Variants in OR3A3 observed in about 807,000 individuals in gnomAD.
OR3A3 encodes olfactory receptor family 3 subfamily A member 3.
For missense variants in OR3A3, 275 were observed against 391.4 expected (o/e 0.70, Z 2.51); for synonymous variants, 103 against 163.9 (o/e 0.63, Z 2.84).
chr17:3,418,826 C>G (rs2072407939), intron 2 of OR3A3, among the ~76,000 whole-genome samples: 1 of 152,166 alleles, frequency 6.6e-6, no homozygotes, highest in African/African-American at 2.4e-5. Flanking sequence ...CCCTACTTGT[C>G]TCTAGTCAAT....
At position 3,420,756 on chromosome 17, in the gene OR3A3, A is replaced by G. The variant is rs1227888756; in HGVS notation, c.171A>G (p.Lys57=). 3 of 1,331,142 alleles carry G rather than the reference A, an allele frequency of 2.3e-6. No individual in the cohort carries two copies. The Admixed American group carries it at 6.6e-5, about 29-fold the overall frequency. 82.5% of individuals were successfully genotyped at this position (1,331,142 alleles called of 1,614,324 possible). A position where few individuals can be genotyped will look rare whatever the true frequency, so the allele number is the denominator to read the frequency against. ...TGGCAGCCGTCTTGGTGGAGCCCAAACTCCACGCCCCCATGTACTTCTTCC... is the reference window on the plus strand; with the variant it reads ...TGGCAGCCGTCTTGGTGGAGCCCAAGCTCCACGCCCCCATGTACTTCTTCC... The change falls in exon 3 of 3, where the codon AAA becomes AAG. Residue 57 remains lysine (K), a synonymous_variant. Coordinates refer to ENST00000641141, the Ensembl canonical transcript of OR3A3.
chr17:3,415,549 G>A (rs62091320), intron 2 of OR3A3, among the ~76,000 whole-genome samples: 61,537 of 138,358 alleles, frequency 0.44, 14,525 homozygotes, highest in Non-Finnish European at 0.56. Context: ...TGACAAAAGC[G>A]AAACTCCAAC....
At position 3,419,149 on chromosome 17, in the gene OR3A3, T is replaced by C. The variant is rs186356773; in HGVS notation, c.-6-1431T>C. ...AGGATTTAAGTAACAATAATAACAC[T>C]AGCAATTAATTGAACAAGGAGTGTT... On this transcript the variant is annotated intron_variant, in intron 2 of 2. Coordinates refer to ENST00000641141, the Ensembl canonical transcript of OR3A3. 2.0e-4 allele frequency among the ~76,000 whole-genome samples: 30 copies of C among 152,350 alleles called. No individual in the cohort carries two copies. The East Asian group carries it at 4.8e-3, about 24-fold the overall frequency.
In OR3A3 at chr17:3,414,221, G is replaced by A. The variant is rs145888875; in HGVS notation, c.-7+2050G>A. On this transcript the variant is annotated intron_variant, in intron 2 of 2. Coordinates refer to ENST00000641141, the Ensembl canonical transcript of OR3A3. ...CGAGTAGCTGGGACTACAGGTGCCC[G>A]CCACCGCACCGGACTAATTTTTTGT... Among the ~76,000 whole-genome samples the A allele has an allele frequency of 8.1e-3, 1,238 of 152,198 alleles. 13 individuals are homozygous for A. Among genetic ancestry groups the A allele is most frequent in the African/African-American group, 0.028 (1,143 of 41,520 alleles).
At chr17:3,421,319 G>A in exon 3 of OR3A3, 1 of 1,614,192 alleles carries the variant, frequency 6.2e-7, no homozygotes, top group South Asian at 1.1e-5. Context: ...TCCACATGTG[G>A]CTCCCACCTC....
rs532594248 is a variant in OR3A3 at position 3,415,930 on chromosome 17, G to A, written c.-7+3759G>A. On this transcript the variant is annotated intron_variant, in intron 2 of 2. Coordinates refer to ENST00000641141, the Ensembl canonical transcript of OR3A3. ...TTTAAGCAATTCTCATGTTTCAGCC[G>A]CATACCAAGTAGCTGGGATTACAGG... is the stretch of plus-strand genomic sequence containing the variant. 9.9e-5 allele frequency among the ~76,000 whole-genome samples: 15 copies of A among 151,056 alleles called. No homozygotes were observed. The South Asian group carries it at 1.5e-3, about 15-fold the overall frequency.
At chr17:3,420,923 T>C (rs2072429149) in exon 3 of OR3A3, 1 of 1,608,774 alleles carries the variant, frequency 6.2e-7, no homozygotes, top group Non-Finnish European at 8.5e-7. Context: ...CTGGCTGGGA[T>C]GGACTGCTTC....
chr17:3,415,561 C>CAA lies in OR3A3; in HGVS notation c.-7+3403_-7+3404dup, dbSNP rs373566506. ...GGGTGACAAAAGCGAAACTCCAACT[C>CAA]AAAAAAAAAAAAAAGAAAAGAAAAA... On this transcript the variant is annotated intron_variant, in intron 2 of 2. Coordinates refer to ENST00000641141, the Ensembl canonical transcript of OR3A3. Among the ~76,000 whole-genome samples the CAA allele has an allele frequency of 1.5e-3, 162 of 110,716 alleles. 1 individual carries two copies. Among genetic ancestry groups the CAA allele is most frequent in the South Asian group, 7.6e-3 (25 of 3,276 alleles). The allele number at this position is 110,716 out of a possible 152,430, so 72.6% of individuals were successfully genotyped here.
chr17:3,413,536 T>C (rs1337838828), intron 2 of OR3A3, among the ~76,000 whole-genome samples: 2 of 152,092 alleles, frequency 1.3e-5, no homozygotes, highest in Non-Finnish European at 2.9e-5. Flanking sequence ...AGGACCTGGA[T>C]GGATGCGGTG....
At chr17:3,423,953 GA>G (rs148900480) in exon 3 of OR3A3, 65,255 of 120,362 alleles carry the variant, frequency 0.54, 15,025 homozygotes, top group Non-Finnish European at 0.61. Context: ...CTCAAAAAAA[GA>G]AAAAAAAAAA....
exon 3 of OR3A3, chr17:3,421,158 C>G (rs1567584669): frequency 6.2e-7 from 1 of 1,614,210 alleles, no homozygotes; most frequent in Non-Finnish European, 8.5e-7. Flanking sequence ...TCCAGCTCTC[C>G]TGCTCCAGCA....
chr17:3,415,448 C>G lies in OR3A3; in HGVS notation c.-7+3277C>G, dbSNP rs564709560. 9.1e-4 allele frequency among the ~76,000 whole-genome samples: 138 copies of G among 150,896 alleles called. 1 individual carries two copies. Among genetic ancestry groups the G allele is most frequent in the African/African-American group, 2.6e-3 (109 of 41,188 alleles). ...TGGTGGCGGGTGCCTGTAGTCCCAG[C>G]TACTCGGGAGGATGAGGCAGGAGAA... On this transcript the variant is annotated intron_variant, in intron 2 of 2. Coordinates refer to ENST00000641141, the Ensembl canonical transcript of OR3A3.
intron 2 of OR3A3, among the ~76,000 whole-genome samples, chr17:3,416,797 A>C (rs2072394646): frequency 6.6e-6 from 1 of 152,112 alleles, no homozygotes; most frequent in Admixed American, 6.5e-5. Flanking sequence ...GGTAATTTGG[A>C]TATCCATCAC....
chr17:3,418,763 C>G (rs1037342703), intron 2 of OR3A3, among the ~76,000 whole-genome samples: 1 of 152,182 alleles, frequency 6.6e-6, no homozygotes, highest in Non-Finnish European at 1.5e-5. Flanking sequence ...AACCCCTTCC[C>G]ATCTTCTGAT....
chr17:3,416,345 T>G (rs1327846924), intron 2 of OR3A3, among the ~76,000 whole-genome samples: 3 of 152,214 alleles, frequency 2.0e-5, no homozygotes, highest in African/African-American at 7.2e-5. Context: ...TGGTTAATTA[T>G]TTTGGTAAAA....
chr17:3,414,330 C>A (rs1373698196), intron 2 of OR3A3, among the ~76,000 whole-genome samples: 3 of 152,168 alleles, frequency 2.0e-5, no homozygotes, highest in Non-Finnish European at 4.4e-5. Context: ...CTCGGCCTCC[C>A]ACAGTGCTGG....
chr17:3,413,712 C>A (rs905045238), intron 2 of OR3A3, among the ~76,000 whole-genome samples: 2 of 151,788 alleles, frequency 1.3e-5, no homozygotes, highest in Non-Finnish European at 2.9e-5. Context: ...GCTCGGGAGG[C>A]TGAGGCAGGA....
intron 2 of OR3A3, among the ~76,000 whole-genome samples, chr17:3,419,974 A>T (rs553017860): frequency 2.0e-5 from 3 of 152,042 alleles, no homozygotes; most frequent in Non-Finnish European, 2.9e-5. Context: ...TCGCTGTGTT[A>T]GCCAGGATGG....
chr17:3,413,806 G>A (rs1017747894), intron 2 of OR3A3, among the ~76,000 whole-genome samples: 1 of 147,028 alleles, frequency 6.8e-6, no homozygotes, highest in Non-Finnish European at 1.5e-5. Flanking sequence ...TGGTGATAGA[G>A]CAAGACTCCA....
Sources: gnomAD v4.1 joint callset for allele counts (sites outside exome capture counted in the v4.1 genomes callset) on GRCh38, gnomAD v4.1.1 for gene constraint, MANE v1.5 for transcripts, NCBI Gene and HGNC (gene_info 2026-07-23, HGNC 2026-07-21) for gene names.